HS6ST3: variants seen among roughly 807,000 people sequenced by gnomAD.
The protein encoded by HS6ST3 is heparan-sulfate 6-O-sulfotransferase 3.
HS6ST3 carries 12 observed loss-of-function variants against 36.7 expected under a neutral mutation model. The observed-to-expected ratio is 0.33, with a 90% CI of 0.21 to 0.53. The LOEUF is 0.53. Ranked by LOEUF, HS6ST3 falls within the 20% of genes least tolerant of loss-of-function variation. The probability of loss-of-function intolerance (pLI) is 0.95; values close to 1 mark genes in which losing one functional copy is unlikely to be tolerated. For missense variants in HS6ST3, 584 were observed against 640.9 expected (o/e 0.91, Z 0.96); for synonymous variants, 240 against 257.5 (o/e 0.93, Z 0.65).
At chr13:96,506,247 CTTTTAATTAT>C in intron 1 of HS6ST3, among the ~76,000 whole-genome samples, 1 of 152,188 alleles carries the variant, frequency 6.6e-6, no homozygotes, top group South Asian at 2.1e-4. Flanking sequence ...ACTCTCACTA[CTTTTAATTAT>C]TTTTCCATTT....
chr13:96,589,674 C>T (rs1455967069), intron 1 of HS6ST3, among the ~76,000 whole-genome samples: 1 of 151,960 alleles, frequency 6.6e-6, no homozygotes, highest in African/African-American at 2.4e-5. Context: ...ATAAACATCC[C>T]TCATAGAATT....
In HS6ST3 at chr13:96,535,562, A is replaced by C. The variant is rs1017008297; in HGVS notation, c.708-296928A>C. On this transcript the variant is annotated intron_variant, in intron 1 of 1. Coordinates refer to ENST00000376705, the MANE Select transcript of HS6ST3 (RefSeq NM_153456.4). Reference sequence around the variant, plus strand: ...GACAGAGCGAGACTCTGTTTCAAAAAAAAAAAAAAAAAAATTGGAGAATCT... The same window carrying C: ...GACAGAGCGAGACTCTGTTTCAAAACAAAAAAAAAAAAAATTGGAGAATCT... 4.6e-4 allele frequency among the ~76,000 whole-genome samples: 69 copies of C among 151,362 alleles called. 1 individual carries two copies. Among genetic ancestry groups the C allele is most frequent in the Non-Finnish European group, 6.2e-4 (42 of 67,850 alleles).
chr13:96,509,076 G>A (rs1374221383), intron 1 of HS6ST3, among the ~76,000 whole-genome samples: 1 of 152,006 alleles, frequency 6.6e-6, no homozygotes, highest in Non-Finnish European at 1.5e-5. Context: ...TCTCATTGTG[G>A]TTTTACTTTG....
intron 1 of HS6ST3, among the ~76,000 whole-genome samples, chr13:96,174,719 A>G (rs958678224): frequency 2.0e-5 from 3 of 152,214 alleles, no homozygotes; most frequent in Admixed American, 2.0e-4. Context: ...AACATTTACA[A>G]TATTATGATC....
intron 1 of HS6ST3, among the ~76,000 whole-genome samples, chr13:96,251,575 G>A (rs1429465813): frequency 6.6e-6 from 1 of 151,566 alleles, no homozygotes; most frequent in African/African-American, 2.4e-5. Context: ...ATTTATTTCT[G>A]CTCTAATCTT....
At position 96,090,720 on chromosome 13, in the gene HS6ST3, A is replaced by C; in HGVS notation, c.-143A>C. 1 of 451,302 alleles carries C rather than the reference A, an allele frequency of 2.2e-6. No homozygotes were observed. 28.0% of individuals were successfully genotyped at this position (451,302 alleles called of 1,614,324 possible). On this transcript the variant is annotated 5_prime_UTR_variant, in exon 1 of 2. Coordinates refer to ENST00000376705, the MANE Select transcript of HS6ST3 (RefSeq NM_153456.4). ...CCCGAGGGCCGCGGGGCCGCCAGCC[A>C]GCCACACGCCTCGGCGTCAGGGGCA...
chr13:96,293,249 G>A (rs1471548812), intron 1 of HS6ST3, among the ~76,000 whole-genome samples: 1 of 152,096 alleles, frequency 6.6e-6, no homozygotes, highest in Non-Finnish European at 1.5e-5. Flanking sequence ...GTTAGCTACT[G>A]ATGATGTTTT....
chr13:96,790,535 A>G (rs1877761826), intron 1 of HS6ST3, among the ~76,000 whole-genome samples: 1 of 152,096 alleles, frequency 6.6e-6, no homozygotes, highest in Admixed American at 6.6e-5. Context: ...TAGGAAGTCC[A>G]AAAATATTCT....
chr13:96,679,978 G>A (rs758866017), intron 1 of HS6ST3, among the ~76,000 whole-genome samples: 19 of 152,186 alleles, frequency 1.2e-4, no homozygotes, highest in Admixed American at 2.0e-4. Context: ...AGCAGAGGTG[G>A]TAGCAACGTG....
intron 1 of HS6ST3, among the ~76,000 whole-genome samples, chr13:96,441,549 AG>A (rs1354056267): frequency 1.3e-5 from 2 of 152,194 alleles, no homozygotes; most frequent in Non-Finnish European, 2.9e-5. Flanking sequence ...ACAGAGAAAG[AG>A]CTACAAAAAC....
At chr13:96,337,058 T>G (rs1047126317) in intron 1 of HS6ST3, among the ~76,000 whole-genome samples, 17 of 152,156 alleles carry the variant, frequency 1.1e-4, no homozygotes, top group South Asian at 6.2e-4. Flanking sequence ...ATCAGTTTTT[T>G]TTTGTTTGTT....
At chr13:96,364,271 C>G (rs2055252928) in intron 1 of HS6ST3, among the ~76,000 whole-genome samples, 1 of 152,130 alleles carries the variant, frequency 6.6e-6, no homozygotes, top group Non-Finnish European at 1.5e-5. Context: ...CTGGCAAATT[C>G]AGGGACTCAA....
intron 1 of HS6ST3, among the ~76,000 whole-genome samples, chr13:96,825,549 G>A (rs1028877681): frequency 3.3e-5 from 5 of 152,084 alleles, no homozygotes; most frequent in African/African-American, 1.2e-4. Flanking sequence ...TGTCTCTGCT[G>A]GTCTCTTACC....
intron 1 of HS6ST3, among the ~76,000 whole-genome samples, chr13:96,692,297 A>C (rs1250949387): frequency 2.6e-5 from 4 of 152,148 alleles, no homozygotes; most frequent in African/African-American, 9.7e-5. Context: ...ATATACTTTA[A>C]ATCATCTCTA....
At chr13:96,455,919 C>T (rs9582048) in intron 1 of HS6ST3, among the ~76,000 whole-genome samples, 6,727 of 152,120 alleles carry the variant, frequency 0.044, 516 homozygotes, top group African/African-American at 0.16. Context: ...AAAAAATGAC[C>T]GAATGTCTTT....
chr13:96,320,161 C>CT (rs953086481), intron 1 of HS6ST3, among the ~76,000 whole-genome samples: 7 of 151,980 alleles, frequency 4.6e-5, no homozygotes, highest in East Asian at 1.9e-4. Flanking sequence ...GAATTCTCCT[C>CT]TTTTTTTTGT....
chr13:96,494,760 C>A (rs555628879), intron 1 of HS6ST3, among the ~76,000 whole-genome samples: 3 of 152,036 alleles, frequency 2.0e-5, no homozygotes, highest in Admixed American at 2.0e-4. Context: ...GCTGGTTCAA[C>A]CCCATTAGTG....
chr13:96,118,643 A>AAT (rs2053905043), intron 1 of HS6ST3, among the ~76,000 whole-genome samples: 2 of 67,984 alleles, frequency 2.9e-5, no homozygotes, highest in Admixed American at 1.7e-4. Context: ...AAGAACATTA[A>AAT]AGATATATAT....
chr13:96,155,151 T>C (rs1032245791), intron 1 of HS6ST3, among the ~76,000 whole-genome samples: 2 of 152,170 alleles, frequency 1.3e-5, no homozygotes, highest in Admixed American at 1.3e-4. Context: ...ATAGTTGTAT[T>C]GAGAACTACA....
Sources: gnomAD v4.1 joint callset for allele counts (sites outside exome capture counted in the v4.1 genomes callset) on GRCh38, gnomAD v4.1.1 for gene constraint, MANE v1.5 for transcripts, NCBI Gene and HGNC (gene_info 2026-07-23, HGNC 2026-07-21) for gene names.